MGAT5B: variants seen among roughly 807,000 people sequenced by gnomAD.
MGAT5B encodes N-acetylglucosaminyl-transferase Vb.
In MGAT5B, 54 loss-of-function variants were observed where a neutral mutation model predicts 95.1. The ratio of observed to expected loss-of-function variants is 0.57; its 90% CI spans 0.46 to 0.71. The LOEUF (loss-of-function observed/expected upper bound fraction) is 0.71, where lower values mean the gene tolerates loss of function less well. MGAT5B is among the 30% of genes least tolerant of loss of function. The pLI, the probability that MGAT5B is intolerant of heterozygous loss-of-function variation, is 0.00. For synonymous variants in MGAT5B, 464 were observed against 451.0 expected (o/e 1.03, Z -0.36); for missense variants, 935 against 1,088.6 (o/e 0.86, Z 1.99).
chr17:76,876,970 C>T (rs1220123107), intron 2 of MGAT5B, among the ~76,000 whole-genome samples: 2 of 152,192 alleles, frequency 1.3e-5, no homozygotes. Flanking sequence ...AGGCCTCCTT[C>T]CCCATGTGGC....
intron 5 of MGAT5B, 136 bp from the exon 6 acceptor site, chr17:76,904,116 C>A: frequency 5.9e-6 from 5 of 854,000 alleles, no homozygotes; most frequent in East Asian, 2.7e-5. Flanking sequence ...TCTGCCCTGT[C>A]CCCTGTTGCA....
intron 2 of MGAT5B, 44 bp from the exon 3 acceptor site, chr17:76,882,107 G>A: frequency 1.3e-6 from 2 of 1,555,874 alleles, no homozygotes; most frequent in Non-Finnish European, 1.7e-6. Flanking sequence ...GTGGCCTCCA[G>A]GCTGCTCGGG....
chr17:76,947,281 C>A (rs1970060578), intron 16 of MGAT5B, among the ~76,000 whole-genome samples: 1 of 152,218 alleles, frequency 6.6e-6, no homozygotes, highest in South Asian at 2.1e-4. Context: ...TCCCCTGTCC[C>A]TTTACAGATG....
chr17:76,903,451 C>T, intron 5 of MGAT5B, 75 bp downstream of exon 5: 1 of 1,287,210 alleles, frequency 7.8e-7, no homozygotes, highest in South Asian at 1.5e-5. Context: ...CTCACCCAGG[C>T]ACAAGCTGGC....
At chr17:76,925,191 C>T in intron 9 of MGAT5B, 94 bp downstream of exon 9, 2 of 1,529,784 alleles carry the variant, frequency 1.3e-6, no homozygotes, top group Admixed American at 1.7e-5. Context: ...ACTCAGCCAG[C>T]TGGGCCCAGG....
At position 76,914,678 on chromosome 17, in the gene MGAT5B, C is replaced by T. The variant is rs1179381875; in HGVS notation, c.1025+8491C>T. Among the ~76,000 whole-genome samples the T allele has an allele frequency of 3.3e-5, 5 of 151,564 alleles. No homozygotes were observed. Among genetic ancestry groups the T allele is most frequent in the Non-Finnish European group, 7.4e-5 (5 of 67,960 alleles). ...TTTTTGAGACAGAGTCTTGCCCTGT[C>T]CCCCAGCTGGAGCGCAGTGGCGCAG... is the stretch of plus-strand genomic sequence containing the variant. On this transcript the variant is annotated intron_variant, in intron 8 of 17. Transcript: ENST00000569840. The surrounding 1 kb of genome is among the most constrained non-coding windows in gnomAD (Gnocchi z 5.1).
Position 76,870,211 on chromosome 17 carries a change from C to T in MGAT5B, c.68+1114C>T, listed in dbSNP as rs982430993. On this transcript the variant is annotated intron_variant, in intron 1 of 17. Coordinates refer to ENST00000569840, the MANE Select transcript of MGAT5B (RefSeq NM_001199172.2). This position sits in a 1 kb window ranked among gnomAD's most constrained non-coding sequence, Gnocchi z 5.0. ...GGGGATGGGGGCGGGGAGACGGTGG[C>T]TCACCTGGAGCCCGCCTCCCAGCAC... Among the ~76,000 whole-genome samples, 2 of 152,162 alleles carry T rather than the reference C, an allele frequency of 1.3e-5. No homozygotes were observed. Among genetic ancestry groups the T allele is most frequent in the Non-Finnish European group, 2.9e-5 (2 of 68,008 alleles).
At position 76,882,223 on chromosome 17, in the gene MGAT5B, T is replaced by C. The variant is rs773193132; in HGVS notation, c.254T>C (p.Met85Thr). 56 of 1,613,712 alleles carry C rather than the reference T, an allele frequency of 3.5e-5. 2 individuals carry two copies. The South Asian group carries it at 5.4e-4, about 16-fold the overall frequency. Residue 85 changes from methionine to threonine, a missense_variant, in exon 3 of 18, where the codon ATG becomes ACG. Physicochemically the swap from Met to Thr is moderately conservative, Grantham distance 81 (BLOSUM62 -1). Transcript: ENST00000569840. Reference sequence around the variant, plus strand: ...CTGCTGGAGCTGATGGTGAAGCGCATGGACGCACTGGCCAGGCTGGAGAAC... The same window carrying C: ...CTGCTGGAGCTGATGGTGAAGCGCACGGACGCACTGGCCAGGCTGGAGAAC... Reference protein sequence around the residue: ...SDLLELMVKRMDALARLENSS... With the variant: ...SDLLELMVKRTDALARLENSS...
At position 76,944,426 on chromosome 17, in the gene MGAT5B, G is replaced by A. The variant is rs2898635; in HGVS notation, c.1849-1950G>A. 2.8e-3 allele frequency among the ~76,000 whole-genome samples: 431 copies of A among 152,328 alleles called. 1 individual carries two copies. Among genetic ancestry groups the A allele is most frequent in the Middle Eastern group, 0.017 (5 of 294 alleles). On this transcript the variant is annotated intron_variant, in intron 15 of 17. Coordinates refer to ENST00000569840, the MANE Select transcript of MGAT5B (RefSeq NM_001199172.2). ...GTTTTATTTATAACCTGAGAGTGAA[G>A]CCTTGTCCCCGCAAGACCCCCAGAA...
chr17:76,927,614 C>T (rs1221346054), intron 10 of MGAT5B, among the ~76,000 whole-genome samples: 5 of 152,224 alleles, frequency 3.3e-5, no homozygotes, highest in Admixed American at 6.5e-5. Flanking sequence ...TCACTGAAAA[C>T]AATTTCACCT....
chr17:76,898,966 G>A (rs1395849959), intron 3 of MGAT5B, among the ~76,000 whole-genome samples: 1 of 152,194 alleles, frequency 6.6e-6, no homozygotes, highest in East Asian at 1.9e-4. Flanking sequence ...TCCCTGTCCT[G>A]GAGGACTCAG....
chr17:76,937,131 T>A (rs946738147), intron 12 of MGAT5B, among the ~76,000 whole-genome samples: 2 of 152,062 alleles, frequency 1.3e-5, no homozygotes, highest in Non-Finnish European at 2.9e-5. Flanking sequence ...CTGGGGGCCC[T>A]AGCAATCTCG....
rs1968963306 is a variant in MGAT5B, at chr17:76,917,044, G to T, written c.1026-7922G>T. On this transcript the variant is annotated intron_variant, in intron 8 of 17. Transcript: ENST00000569840. The surrounding 1 kb of genome is among the most constrained non-coding windows in gnomAD (Gnocchi z 6.1). ...TCTTCCCGACTACGCTGTCAGGTTT[G>T]AGTCAGCCTAGTTGTGCTAAGTCCA... 6.6e-6 allele frequency among the ~76,000 whole-genome samples: 1 copy of T among 152,196 alleles called. No homozygotes were observed. The highest frequency in any genetic ancestry group is 1.5e-5 in the Non-Finnish European group (1 of 68,034).
At chr17:76,880,152 G>A (rs935486973) in intron 2 of MGAT5B, among the ~76,000 whole-genome samples, 3 of 152,076 alleles carry the variant, frequency 2.0e-5, no homozygotes, top group Non-Finnish European at 2.9e-5. Flanking sequence ...AGCCTTCCTG[G>A]GCATCTCTGC....
Position 76,903,315 on chromosome 17 carries a change from G to T in MGAT5B, c.458G>T (p.Arg153Leu), listed in dbSNP as rs553177854. 3 of 1,610,878 alleles carry T rather than the reference G, an allele frequency of 1.9e-6. No individual in the cohort carries two copies. Among genetic ancestry groups the T allele is most frequent in the Non-Finnish European group, 2.5e-6 (3 of 1,178,526 alleles). Residue 153 changes from arginine (R) to leucine (L), a missense_variant, in exon 5 of 18, where the codon CGG (arginine) becomes CTG (leucine). This residue lies in a region of MGAT5B where 243 missense variants were observed against 228.2 expected (regional missense o/e 1.06). Transcript: ENST00000569840. The stretch of plus-strand genomic sequence containing the variant: ...CCTCTCCCTACAGTGTCAGAAGGCC[G>T]GCGGGACCAGTGTGAGGCACCCAGT... The part of the protein sequence containing the change: ...LLLHSKVSEG[R>L]RDQCEAPSDP...
At chr17:76,903,233 C>G (rs145452755) in intron 4 of MGAT5B, 70 bp from the exon 5 acceptor site, 1 of 1,243,652 alleles carries the variant, frequency 8.0e-7, no homozygotes, top group Non-Finnish European at 1.1e-6. Flanking sequence ...AGCTGCCTCC[C>G]GCACGCAGGC....
At chr17:76,873,092 C>A in intron 2 of MGAT5B, 129 bp downstream of exon 2, 1 of 1,031,660 alleles carries the variant, frequency 9.7e-7, no homozygotes, top group Non-Finnish European at 1.4e-6. Context: ...GTGGAGGGGG[C>A]CTGGGCTTGG....
intron 3 of MGAT5B, among the ~76,000 whole-genome samples, chr17:76,898,448 C>T (rs1344433657): frequency 2.0e-5 from 3 of 151,584 alleles, no homozygotes; most frequent in Admixed American, 2.0e-4. Flanking sequence ...CCTGCCTCAG[C>T]CTCCTGAGTA....
chr17:76,924,997 T>C lies in MGAT5B; in HGVS notation c.1057T>C (p.Cys353Arg). Reference protein sequence around the residue: ...NLGVPPGRGSCPLTMPLPFDL... With the variant: ...NLGVPPGRGSRPLTMPLPFDL... ...AGGGGTACCGCCAGGCCGGGGAAGC[T>C]GCCCGCTCACCATGCCCCTGCCCTT... is the stretch of plus-strand genomic sequence containing the variant. Residue 353 changes from cysteine to arginine, a missense_variant, in exon 9 of 18, where the codon TGC becomes CGC. By Grantham distance (180) the Cys-to-Arg change is radical. Around this residue, in one of 4 missense-constraint regions of MGAT5B, gnomAD observed 243 missense variants for 305.5 expected, o/e 0.80. Coordinates refer to ENST00000569840, the MANE Select transcript of MGAT5B (RefSeq NM_001199172.2). 6.2e-7 allele frequency: 1 copy of C among 1,611,900 alleles called. No homozygotes were observed. The highest frequency in any genetic ancestry group is 8.5e-7 in the Non-Finnish European group (1 of 1,179,458).
Sources: allele counts gnomAD v4.1 joint callset (sites outside exome capture counted in the v4.1 genomes callset), GRCh38; gene constraint gnomAD v4.1.1; regional missense constraint gnomAD v4.1.1; non-coding constraint Gnocchi (gnomAD v3.1); transcripts MANE v1.5; gene names NCBI Gene and HGNC (gene_info 2026-07-23, HGNC 2026-07-21).